NDUFAF6: variants seen among roughly 807,000 people sequenced by gnomAD.
NDUFAF6 encodes the protein NADH dehydrogenase (ubiquinone) complex I, assembly factor 6.
A neutral mutation model predicts 40.8 loss-of-function variants in NDUFAF6; 45 were observed. That is an observed-to-expected ratio of 1.10 (90% CI 0.87 to 1.42). The LOEUF (loss-of-function observed/expected upper bound fraction) is 1.42, where lower values mean the gene tolerates loss of function less well. Ranked by LOEUF, NDUFAF6 falls within the 40% of genes most tolerant of loss-of-function variation. The pLI, the probability that NDUFAF6 is intolerant of heterozygous loss-of-function variation, is 0.00. For synonymous variants in NDUFAF6, 185 were observed against 155.9 expected (o/e 1.19, Z -1.39); for missense variants, 435 against 418.5 (o/e 1.04, Z -0.34).
intron 1 of NDUFAF6, among the ~76,000 whole-genome samples, chr8:94,903,890 C>T (rs1004859060): frequency 6.6e-6 from 1 of 152,140 alleles, no homozygotes; most frequent in Admixed American, 6.5e-5. Context: ...ATGTGTGGGG[C>T]AGGCAGCACT....
downstream of NDUFAF6, chr8:95,058,784 C>T: frequency 1.0e-6 from 1 of 986,380 alleles, no homozygotes; most frequent in Non-Finnish European, 1.2e-6. Context: ...TCAGTGTTCT[C>T]ATTTGGTTTT....
chr8:94,982,674 G>A (rs370357489), intron 2 of NDUFAF6, among the ~76,000 whole-genome samples: 3 of 152,196 alleles, frequency 2.0e-5, no homozygotes, highest in African/African-American at 7.2e-5. Flanking sequence ...CCCATTATGC[G>A]TGAACACACT....
chr8:95,117,531 A>G (rs1454567489), downstream of NDUFAF6, among the ~76,000 whole-genome samples: 1 of 152,178 alleles, frequency 6.6e-6, no homozygotes, highest in Admixed American at 6.5e-5. Flanking sequence ...TGGGCATTGC[A>G]CTTTTGTTAT....
upstream of NDUFAF6, chr8:94,957,997 C>T (rs1013741002): frequency 6.6e-6 from 1 of 152,426 alleles, no homozygotes; most frequent in Non-Finnish European, 1.5e-5. Flanking sequence ...GTCTCCAGGT[C>T]TCTTCTTCGG....
chr8:94,958,300 A>T (rs1032994671), intron 1 of NDUFAF6: 1 of 152,232 alleles, frequency 6.6e-6, no homozygotes, highest in Non-Finnish European at 1.5e-5. Context: ...TGGAGGCTGG[A>T]AATCCAAAAT....
At chr8:95,075,850 C>G in exon 10 of NDUFAF6, 1 of 463,004 alleles carries the variant, frequency 2.2e-6, no homozygotes, top group East Asian at 7.2e-5. Context: ...TTTGAATTAC[C>G]AGAGGAGAAT....
intron 1 of NDUFAF6, among the ~76,000 whole-genome samples, chr8:95,031,408 A>G (rs891520424): frequency 7.9e-5 from 12 of 152,222 alleles, no homozygotes; most frequent in African/African-American, 2.9e-4. Context: ...TTTTAACTTG[A>G]TTTATTCTTT....
At chr8:94,901,394 G>C (rs1320389142) in intron 1 of NDUFAF6, among the ~76,000 whole-genome samples, 1 of 151,976 alleles carries the variant, frequency 6.6e-6, no homozygotes, top group Non-Finnish European at 1.5e-5. Flanking sequence ...GGTGGAGATT[G>C]GGAGAAGCAC....
intron 1 of NDUFAF6, among the ~76,000 whole-genome samples, chr8:94,914,822 C>T (rs1016987394): frequency 6.7e-6 from 1 of 148,792 alleles, no homozygotes; most frequent in Non-Finnish European, 1.5e-5. Flanking sequence ...GAGGCGGAGG[C>T]GTCTCAAAAA....
intron 8 of NDUFAF6, among the ~76,000 whole-genome samples, chr8:95,054,201 C>A (rs756163486): frequency 7.9e-5 from 12 of 152,022 alleles, no homozygotes; most frequent in Non-Finnish European, 1.5e-4. Context: ...CCAGCCTTGG[C>A]CTCTCAAAGT....
chr8:94,999,428 T>G (rs1278821186), intron 2 of NDUFAF6, among the ~76,000 whole-genome samples: 1 of 147,226 alleles, frequency 6.8e-6, no homozygotes, highest in South Asian at 2.2e-4. Context: ...AGCCTCTTTT[T>G]TTCTTTTGAG....
chr8:95,044,426 C>T, intron 4 of NDUFAF6: 1 of 148,904 alleles, frequency 6.7e-6, no homozygotes, highest in Non-Finnish European at 1.5e-5. Flanking sequence ...ATTTTTTTTC[C>T]TGGAATCATT....
chr8:95,094,374 CT>C (rs1353706521), intron 2 of NDUFAF6, among the ~76,000 whole-genome samples: 15 of 84,004 alleles, frequency 1.8e-4, no homozygotes, highest in South Asian at 4.9e-4. Context: ...CTTTTCTTTT[CT>C]TTCCTTCTTT....
At chr8:95,079,180 C>A (rs1012477359), downstream of NDUFAF6, among the ~76,000 whole-genome samples, 2 of 152,168 alleles carry the variant, frequency 1.3e-5, no homozygotes, top group Admixed American at 6.5e-5. Flanking sequence ...CCATGTTGGT[C>A]AGGCTGGTCT....
rs191374164 is a variant in NDUFAF6 at position 94,961,502 on chromosome 8, A to G, written c.-199+3323A>G. Reference sequence around the variant, plus strand: ...AGTGCCACCATCTCAGCTCACTGCAACCTCCGCCTCCCGGGCTCCAGCGAT... The same window carrying G: ...AGTGCCACCATCTCAGCTCACTGCAGCCTCCGCCTCCCGGGCTCCAGCGAT... On this transcript the variant is annotated intron_variant, in intron 1 of 9. Coordinates refer to the NDUFAF6 transcript ENST00000396111. Among the ~76,000 whole-genome samples the G allele has an allele frequency of 2.7e-3, 407 of 152,156 alleles. 3 individuals are homozygous for G. The highest frequency in any genetic ancestry group is 9.5e-3 in the African/African-American group (394 of 41,524).
chr8:95,089,761 G>T (rs1177993072), intron 2 of NDUFAF6, among the ~76,000 whole-genome samples: 1 of 152,170 alleles, frequency 6.6e-6, no homozygotes, highest in Non-Finnish European at 1.5e-5. Flanking sequence ...GTGGTCATCT[G>T]CACTTGCTCA....
rs753278652 is a variant in NDUFAF6 at position 95,012,667 on chromosome 8, T to TAAATAAATAAATAAATAAATAAATAAAC, written c.-83-19325_-83-19324insTAAATAAATAAATAAATAAATAAACAAA. On this transcript the variant is annotated intron_variant, in intron 2 of 9. Coordinates refer to the NDUFAF6 transcript ENST00000396111. ...TAAAATAAATAAATAAATAAATAAATAAACAAATAAAAATTAGCCAGGTAT... is the reference window on the plus strand; with the variant it reads ...TAAAATAAATAAATAAATAAATAAATAAATAAATAAATAAATAAATAAATAAACAAACAAATAAAAATTAGCCAGGTAT... Among the ~76,000 whole-genome samples, 100 of 150,546 alleles carry TAAATAAATAAATAAATAAATAAATAAAC rather than the reference T, an allele frequency of 6.6e-4. 1 individual carries two copies. The highest frequency in any genetic ancestry group is 9.9e-4 in the African/African-American group (41 of 41,216).
intron 2 of NDUFAF6, among the ~76,000 whole-genome samples, chr8:95,004,066 G>A (rs918464891): frequency 2.6e-5 from 4 of 152,074 alleles, no homozygotes; most frequent in Non-Finnish European, 4.4e-5. Context: ...CATCTACCTC[G>A]CCTGATCCAT....
intron 1 of NDUFAF6, among the ~76,000 whole-genome samples, chr8:94,912,293 G>A (rs544655112): frequency 2.6e-5 from 4 of 152,172 alleles, no homozygotes; most frequent in African/African-American, 9.6e-5. Flanking sequence ...AGTAAAATAA[G>A]GTCCACTATC....
Sources: allele counts gnomAD v4.1 joint callset (sites outside exome capture counted in the v4.1 genomes callset), GRCh38; gene constraint gnomAD v4.1.1; transcripts MANE v1.5; gene names NCBI Gene and HGNC (gene_info 2026-07-23, HGNC 2026-07-21).